TMC3: variants seen among roughly 807,000 people sequenced by gnomAD.
The protein encoded by TMC3 is transmembrane channel-like protein 3.
Under a neutral mutation model 110.6 loss-of-function variants are expected in TMC3, and 98 were observed. The observed-to-expected ratio is 0.89, with a 90% CI of 0.75 to 1.05. The LOEUF (loss-of-function observed/expected upper bound fraction) is 1.05, where lower values mean the gene tolerates loss of function less well. Among genes scored for constraint, TMC3 ranks in the 50% least tolerant of loss-of-function variants. The pLI, the probability that TMC3 is intolerant of heterozygous loss-of-function variation, is 0.00. For synonymous variants in TMC3, 489 were observed against 513.1 expected, an observed-to-expected ratio of 0.95 and a Z score of 0.63; for missense variants, 1,319 against 1,373.2, an observed-to-expected ratio of 0.96 and a Z score of 0.62.
rs775169512 is a variant in TMC3, at chr15:81,344,013, G to A, written c.1551C>T (p.Leu517=). Residue 517 remains leucine, a synonymous_variant, in exon 14 of 22, where the codon CTC becomes CTT. Transcript: ENST00000359440. ...TGAGCAGAATGCTCGCCACGGTGAA[G>A]AGCATGTCAATGATGGAGAGCTTCA... The part of the protein sequence containing the change: ...EMLKLSIIDM[L]FTVASILLID... 3.1e-6 allele frequency: 5 copies of A among 1,612,358 alleles called. No homozygotes were observed. The South Asian group carries it at 5.5e-5, about 18-fold the overall frequency.
intron 12 of TMC3, among the ~76,000 whole-genome samples, chr15:81,346,130 A>T (rs1893822802): frequency 1.3e-5 from 2 of 152,196 alleles, no homozygotes; most frequent in South Asian, 4.1e-4. Context: ...TGGAGTTCTC[A>T]TCCCAGCACC....
chr15:81,337,812 A>C (rs374072504), intron 19 of TMC3, 34 bp downstream of exon 19: 1 of 1,558,254 alleles, frequency 6.4e-7, no homozygotes. Flanking sequence ...TGGTTGACAC[A>C]TATTCATAAT....
chr15:81,346,230 A>G, intron 12 of TMC3, 135 bp downstream of exon 12: 1 of 826,582 alleles, frequency 1.2e-6, no homozygotes, highest in Non-Finnish European at 2.0e-6. Flanking sequence ...AGACTCCAGC[A>G]AAGTCAAGTT....
Position 81,344,928 on chromosome 15 carries a change from T to C in TMC3, c.1356A>G (p.Lys452=), listed in dbSNP as rs1596082997. The change falls in exon 13 of 22, where the codon AAA becomes AAG. Residue 452 remains lysine (K), a synonymous_variant. Transcript: ENST00000359440. ...CCATTCCAGGCCGAGATGTGGACCATTTCTCTTCTTCAGGGGCTGTCCTGG... is the reference window on the plus strand; with the variant it reads ...CCATTCCAGGCCGAGATGTGGACCACTTCTCTTCTTCAGGGGCTGTCCTGG... ...FATRTAPEEE[K]WSTSRPGMGL... 3 of 1,613,770 alleles carry C rather than the reference T, an allele frequency of 1.9e-6. No homozygotes were observed. The highest frequency in any genetic ancestry group is 2.2e-5 in the South Asian group (2 of 90,968).
Position 81,341,709 on chromosome 15 carries a change from G to A in TMC3, c.1716-191C>T, listed in dbSNP as rs1893720246. ...CTAAAGATAAGACAAGTCACTGAAG[G>A]TGGGTATTGATCCTATTTTAAAATA... On this transcript the variant is annotated intron_variant, in intron 15 of 21. Coordinates refer to ENST00000359440, the MANE Select transcript of TMC3 (RefSeq NM_001080532.3). 3 of 450,612 alleles carry A rather than the reference G, an allele frequency of 6.7e-6. 1 individual carries two copies. The highest frequency in any genetic ancestry group is 7.8e-5 in the South Asian group (2 of 25,578). The allele number at this position is 450,612 out of a possible 1,614,324, so 27.9% of individuals were successfully genotyped here. A position where few individuals can be genotyped will look rare whatever the true frequency, so the allele number is the denominator to read the frequency against.
At chr15:81,357,220 C>T (rs183485822) in intron 7 of TMC3, among the ~76,000 whole-genome samples, 56 of 152,138 alleles carry the variant, frequency 3.7e-4, no homozygotes, top group African/African-American at 1.3e-3. Context: ...CTGGAAGCCA[C>T]CAGGAGCTAA....
At chr15:81,344,713 G>A (rs1206655824) in intron 13 of TMC3, 53 bp downstream of exon 13, 6 of 1,556,530 alleles carry the variant, frequency 3.9e-6, no homozygotes, top group East Asian at 2.3e-5. Context: ...GAGTTGCTGG[G>A]GTTAAGTGAT....
intron 9 of TMC3, 67 bp from the exon 10 acceptor site, chr15:81,351,908 A>C: frequency 2.6e-6 from 4 of 1,561,456 alleles, no homozygotes; most frequent in Non-Finnish European, 3.5e-6. Flanking sequence ...ATGCAAAGAC[A>C]ACACTACTTG....
chr15:81,372,293 C>A (rs1212148797), intron 2 of TMC3, among the ~76,000 whole-genome samples: 1 of 150,506 alleles, frequency 6.6e-6, no homozygotes, highest in Non-Finnish European at 1.5e-5. Context: ...ACACACACAC[C>A]CCCAACACAG....
chr15:81,344,401 TGGTTAAG>T (rs1250648671), intron 13 of TMC3, among the ~76,000 whole-genome samples: 6 of 152,130 alleles, frequency 3.9e-5, no homozygotes, highest in Admixed American at 3.3e-4. Flanking sequence ...CTGTACAACA[TGGTTAAG>T]GGTACAGATT....
At position 81,350,985 on chromosome 15, in the gene TMC3, C is replaced by T. The variant is rs558308331; in HGVS notation, c.1083+709G>A. Among the ~76,000 whole-genome samples the T allele has an allele frequency of 2.6e-5, 4 of 152,264 alleles. No homozygotes were observed. In the South Asian group the frequency reaches 8.3e-4, roughly 32 times the overall value. On this transcript the variant is annotated intron_variant, in intron 10 of 21. Coordinates refer to ENST00000359440, the MANE Select transcript of TMC3 (RefSeq NM_001080532.3). ...TGTCATTTAGATATTCAGAAACTAC[C>T]TAAATATTCACGAATGACACCTGGT... is the stretch of plus-strand genomic sequence containing the variant.
chr15:81,348,951 T>C (rs868118607), intron 11 of TMC3, among the ~76,000 whole-genome samples: 1 of 152,228 alleles, frequency 6.6e-6, no homozygotes, highest in South Asian at 2.1e-4. Context: ...TAGCTGGGAT[T>C]ATAGGCATGC....
intron 7 of TMC3, 53 bp downstream of exon 7, chr15:81,358,096 A>G (rs1157892151): frequency 1.7e-5 from 26 of 1,494,574 alleles, no homozygotes; most frequent in South Asian, 2.7e-5. Context: ...AAATACTTCC[A>G]TTACACATAT....
At chr15:81,345,305 A>G (rs1448257311) in intron 12 of TMC3, among the ~76,000 whole-genome samples, 1 of 148,108 alleles carries the variant, frequency 6.8e-6, no homozygotes, top group Non-Finnish European at 1.5e-5. Flanking sequence ...AACGATTATT[A>G]CCTCATGTTC....
chr15:81,335,399 T>C (rs1296553595), intron 20 of TMC3, among the ~76,000 whole-genome samples: 1 of 152,260 alleles, frequency 6.6e-6, no homozygotes, highest in Non-Finnish European at 1.5e-5. Context: ...GCTATTGTTA[T>C]CCTGAAACAG....
At position 81,346,423 on chromosome 15, in the gene TMC3, C is replaced by G. The variant is rs377518960; in HGVS notation, c.1214G>C (p.Gly405Ala). The change falls in exon 12 of 22, where the codon GGA becomes GCA. Residue 405 changes from glycine (G) to alanine (A), a missense_variant. Gly to Ala is a moderately conservative substitution (Grantham distance 60, BLOSUM62 0). Coordinates refer to ENST00000359440, the MANE Select transcript of TMC3 (RefSeq NM_001080532.3). Reference sequence around the variant, plus strand: ...AGCAATGATCAGGCTGTAGAGATTTCCCAAATACAGCACAAGGACCCTGAA... The same window carrying G: ...AGCAATGATCAGGCTGTAGAGATTTGCCAAATACAGCACAAGGACCCTGAA... ...QLARVLVLYL[G>A]NLYSLIIALL... 40 of 1,613,460 alleles carry G rather than the reference C, an allele frequency of 2.5e-5. No individual in the cohort carries two copies. The African/African-American group carries it at 5.3e-4, about 22-fold the overall frequency.
At chr15:81,334,414 A>G (rs1460539096) in intron 21 of TMC3, among the ~76,000 whole-genome samples, 1 of 152,166 alleles carries the variant, frequency 6.6e-6, no homozygotes, top group Admixed American at 6.5e-5. Context: ...TGCCAATAAT[A>G]TGGCCACTGT....
At chr15:81,373,245 A>G (rs979243556) in intron 1 of TMC3, among the ~76,000 whole-genome samples, 3 of 152,192 alleles carry the variant, frequency 2.0e-5, no homozygotes, top group Admixed American at 2.0e-4. Context: ...TTTAAGCCTG[A>G]GATAACCGAG....
At chr15:81,347,063 A>G (rs1282668811) in intron 11 of TMC3, among the ~76,000 whole-genome samples, 2 of 152,218 alleles carry the variant, frequency 1.3e-5, no homozygotes, top group African/African-American at 4.8e-5. Flanking sequence ...GGATCAGCCA[A>G]TGATCAAAGA....
Sources: allele counts gnomAD v4.1 joint callset (sites outside exome capture counted in the v4.1 genomes callset), GRCh38; gene constraint gnomAD v4.1.1; transcripts MANE v1.5; gene names NCBI Gene and HGNC (gene_info 2026-07-23, HGNC 2026-07-21).